The following SLC44A2 variants were observed in gnomAD, a reference collection of about 807,000 sequenced individuals.
SLC44A2 encodes the protein choline transporter-like protein 2.
Under a neutral mutation model 90.8 loss-of-function variants are expected in SLC44A2, and 57 were observed. The observed-to-expected ratio is 0.63, with a 90% confidence interval of 0.51 to 0.78. The LOEUF (loss-of-function observed/expected upper bound fraction) is 0.78, where lower values mean the gene tolerates loss of function less well. Ranked by LOEUF, SLC44A2 falls within the 30% of genes least tolerant of loss-of-function variation. The pLI, the probability that SLC44A2 is intolerant of heterozygous loss-of-function variation, is 0.00. For missense variants in SLC44A2, 794 were observed against 919.7 expected (o/e 0.86, Z 1.77); for synonymous variants, 355 against 360.7 (o/e 0.98, Z 0.18).
At chr19:10,630,600 G>A (rs1200161700) in intron 4 of SLC44A2, among the ~76,000 whole-genome samples, 4 of 149,820 alleles carry the variant, frequency 2.7e-5, no homozygotes, top group African/African-American at 9.9e-5. Context: ...GGCGGAGGTT[G>A]TAGTGAGCCC....
At chr19:10,618,810 G>T (rs1426967165) in intron 1 of SLC44A2, among the ~76,000 whole-genome samples, 1 of 151,948 alleles carries the variant, frequency 6.6e-6, no homozygotes, top group Non-Finnish European at 1.5e-5. Flanking sequence ...CTGAGCTCAG[G>T]CAATCCGCCT....
chr19:10,615,983 G>A (rs1420970025), intron 1 of SLC44A2, among the ~76,000 whole-genome samples: 8 of 151,972 alleles, frequency 5.3e-5, no homozygotes, highest in South Asian at 4.1e-4. Context: ...GCAACATAGC[G>A]AAACCCTGTC....
Position 10,643,611 on chromosome 19 carries a change from A to G in SLC44A2, c.*226A>G. On this transcript the variant is annotated 3_prime_UTR_variant, in exon 22 of 22. Transcript: ENST00000335757. ...ATGGCTGCCCCTCCAGACTGCGAGA[A>G]ACAAGTAAAAACCCATTGGGGCCTC... 1 of 446,640 alleles carries G rather than the reference A, an allele frequency of 2.2e-6. No individual in the cohort carries two copies. The highest frequency in any genetic ancestry group is 2.9e-5 in the South Asian group (1 of 34,262). The allele number at this position is 446,640 out of a possible 1,614,324, so 27.7% of individuals were successfully genotyped here.
rs531185779 is a variant in SLC44A2 at position 10,630,862 on chromosome 19, G to A, written c.246-195G>A. 3.4e-5 allele frequency among the ~76,000 whole-genome samples: 5 copies of A among 146,010 alleles called. No homozygotes were observed. The South Asian group carries it at 6.6e-4, about 19-fold the overall frequency. On this transcript the variant is annotated intron_variant, in intron 4 of 21. Coordinates refer to ENST00000335757, the MANE Select transcript of SLC44A2 (RefSeq NM_020428.4). ...TCTACTAAAAATACAAAAATTAGCC[G>A]GGCTTGGTAGCGGGCACCTGTAATC...
chr19:10,641,466 AC>A (rs2144894611), intron 20 of SLC44A2: 1 of 431,206 alleles, frequency 2.3e-6, no homozygotes, highest in East Asian at 7.0e-5. Flanking sequence ...GGACTTGAGG[AC>A]TTGCTCTTTG....
In SLC44A2 at chr19:10,626,394, G is replaced by A. The variant is rs2066934130; in HGVS notation, c.86+93G>A. On this transcript the variant is annotated intron_variant, in intron 2 of 21. Transcript: ENST00000335757. ...CCTCCCATCTGTTCTCCAACAAACT[G>A]GTGACAAATATTTGAAACTTTTTTT... 8.1e-6 allele frequency: 8 copies of A among 993,254 alleles called. No individual in the cohort carries two copies. The South Asian group carries it at 8.2e-5, about 10-fold the overall frequency. The allele number at this position is 993,254 out of a possible 1,614,324, so 61.5% of individuals were successfully genotyped here. A position where few individuals can be genotyped will look rare whatever the true frequency, so the allele number is the denominator to read the frequency against.
chr19:10,625,045 G>T (rs576663441), upstream of SLC44A2, among the ~76,000 whole-genome samples: 1 of 152,010 alleles, frequency 6.6e-6, no homozygotes, highest in East Asian at 1.9e-4. Context: ...TAGTCAGGAG[G>T]ATGGCTTGAG....
chr19:10,624,839 A>C (rs1005938845), upstream of SLC44A2, among the ~76,000 whole-genome samples: 7 of 152,174 alleles, frequency 4.6e-5, no homozygotes, highest in African/African-American at 1.7e-4. Flanking sequence ...GGGCTGAATA[A>C]ATACTTGTTC....
At chr19:10,612,436 T>A (rs940841955) in intron 1 of SLC44A2, among the ~76,000 whole-genome samples, 25 of 152,176 alleles carry the variant, frequency 1.6e-4, no homozygotes, top group Middle Eastern at 3.2e-3. Flanking sequence ...GTGCCTAACA[T>A]AGTCCAGCAT....
At chr19:10,606,199 G>A (rs1202448675) in intron 1 of SLC44A2, among the ~76,000 whole-genome samples, 1 of 152,018 alleles carries the variant, frequency 6.6e-6, no homozygotes, top group Non-Finnish European at 1.5e-5. Flanking sequence ...TTGGGAGGCT[G>A]AGGTGGGAGG....
intron 1 of SLC44A2, among the ~76,000 whole-genome samples, chr19:10,610,312 C>A (rs1259823390): frequency 1.3e-5 from 2 of 151,040 alleles, no homozygotes; most frequent in African/African-American, 4.9e-5. Context: ...GAGAATTCTC[C>A]CTAGAGACTT....
intron 1 of SLC44A2, among the ~76,000 whole-genome samples, chr19:10,618,771 G>A (rs1019790153): frequency 2.0e-5 from 3 of 151,644 alleles, no homozygotes; most frequent in Non-Finnish European, 2.9e-5. Flanking sequence ...GCAGGGTTTC[G>A]CCGTGTTGCC....
chr19:10,638,443 A>C (rs2067082598), intron 20 of SLC44A2, 128 bp downstream of exon 20: 1 of 920,868 alleles, frequency 1.1e-6, no homozygotes, highest in African/African-American at 1.7e-5. Flanking sequence ...TCAGACCACA[A>C]ACTTTTTGTT....
chr19:10,626,315 G>A lies in SLC44A2; in HGVS notation c.86+14G>A, dbSNP rs2066933353. On this transcript the variant is annotated intron_variant, in intron 2 of 21. Coordinates refer to ENST00000335757, the MANE Select transcript of SLC44A2 (RefSeq NM_020428.4). ...CATTTACAATAGGTAAGAGCTCTGG[G>A]TTTTGGGGGGTTCTCCCCGCTAATA... 2 of 1,599,400 alleles carry A rather than the reference G, an allele frequency of 1.3e-6. No homozygotes were observed. Among genetic ancestry groups the A allele is most frequent in the East Asian group, 4.5e-5 (2 of 44,770 alleles).
At chr19:10,602,477 C>G (rs1466412123), upstream of SLC44A2, 1 of 1,176,484 alleles carries the variant, frequency 8.5e-7, no homozygotes, top group African/African-American at 1.6e-5. Context: ...GCCTCCCGCC[C>G]GCCCGGGCTG....
chr19:10,634,375 A>G (rs1259136803), intron 10 of SLC44A2, among the ~76,000 whole-genome samples: 1 of 151,298 alleles, frequency 6.6e-6, no homozygotes, highest in East Asian at 2.0e-4. Flanking sequence ...GAGGCAGGAG[A>G]ATCGCTTGAA....
chr19:10,629,094 C>T (rs2066965339), intron 4 of SLC44A2, among the ~76,000 whole-genome samples: 1 of 150,960 alleles, frequency 6.6e-6, no homozygotes, highest in Non-Finnish European at 1.5e-5. Context: ...ATCCCGGTTA[C>T]TCAGGAGGCT....
chr19:10,626,247 T>C lies in SLC44A2; in HGVS notation c.38-6T>C. ...TCCCATCCATCTTAATCTTCTTGAC[T>C]TTCAGGAACGCCACAGAAGTATGAT... is the stretch of plus-strand genomic sequence containing the variant. On this transcript the variant is annotated splice_polypyrimidine_tract_variant and splice_region_variant and intron_variant, in intron 1 of 21. Coordinates refer to ENST00000335757, the MANE Select transcript of SLC44A2 (RefSeq NM_020428.4). 2.5e-6 allele frequency: 4 copies of C among 1,612,428 alleles called. No homozygotes were observed. The highest frequency in any genetic ancestry group is 3.4e-6 in the Non-Finnish European group (4 of 1,178,460).
At chr19:10,639,677 G>C (rs2067095260) in intron 20 of SLC44A2, among the ~76,000 whole-genome samples, 1 of 152,158 alleles carries the variant, frequency 6.6e-6, no homozygotes, top group Non-Finnish European at 1.5e-5. Flanking sequence ...TCAGGGGTTT[G>C]AGACTAGCCT....
Sources: gnomAD v4.1 joint callset for allele counts (sites outside exome capture counted in the v4.1 genomes callset) on GRCh38, gnomAD v4.1.1 for gene constraint, MANE v1.5 for transcripts, NCBI Gene and HGNC (gene_info 2026-07-23, HGNC 2026-07-21) for gene names.